The following SLC13A2 variants were observed in gnomAD, a reference collection of about 807,000 sequenced individuals.
The protein encoded by SLC13A2 is Na(+)-coupled citrate transporter.
In SLC13A2, 40 loss-of-function variants were observed where a neutral mutation model predicts 58.5. The observed-to-expected ratio is 0.68, with a 90% CI of 0.53 to 0.89. The LOEUF (loss-of-function observed/expected upper bound fraction) is 0.89, where lower values mean the gene tolerates loss of function less well. SLC13A2 is among the 40% of genes least tolerant of loss of function. The probability of loss-of-function intolerance (pLI) is 0.00; values close to 1 mark genes in which losing one functional copy is unlikely to be tolerated. For missense variants in SLC13A2, 694 were observed against 772.6 expected, an observed-to-expected ratio of 0.90 and a Z score of 1.21; for synonymous variants, 341 against 331.6, an observed-to-expected ratio of 1.03 and a Z score of -0.31.
chr17:28,477,186 G>GTTTTTTT (rs1251199584), intron 1 of SLC13A2, among the ~76,000 whole-genome samples: 5 of 119,438 alleles, frequency 4.2e-5, no homozygotes, highest in Non-Finnish European at 6.9e-5. Flanking sequence ...AAACACCCAA[G>GTTTTTTT]TTTTTTGTTT....
Position 28,491,811 on chromosome 17 carries a change from G to C in SLC13A2, c.837G>C (p.Leu279=). 1 of 1,614,238 alleles carries C rather than the reference G, an allele frequency of 6.2e-7. No homozygotes were observed. Among genetic ancestry groups the C allele is most frequent in the South Asian group, 1.1e-5 (1 of 91,088 alleles). The change falls in exon 6 of 12, where the codon CTG becomes CTC. Residue 279 remains leucine (L), a synonymous_variant. Coordinates refer to ENST00000314669, the MANE Select transcript of SLC13A2 (RefSeq NM_003984.4). Reference sequence around the variant, plus strand: ...TCCCCACCATGGTCATCTTGCTGCTGCTGGCCTGGTTGTGGCTGCAGATCC... The same window carrying C: ...TCCCCACCATGGTCATCTTGCTGCTCCTGGCCTGGTTGTGGCTGCAGATCC... ...FAFPTMVILL[L]LAWLWLQILF...
rs79953541 is a variant in SLC13A2, at chr17:28,475,046, G to A, written c.102+1232G>A. ...GAGATGACCTTCATCTCAGGCCAAA[G>A]CCGGTGGCATCTCAGTGCTAGGGAC... On this transcript the variant is annotated intron_variant, in intron 1 of 11. Coordinates refer to ENST00000314669, the MANE Select transcript of SLC13A2 (RefSeq NM_003984.4). Among the ~76,000 whole-genome samples, 438 of 152,326 alleles carry A rather than the reference G, an allele frequency of 2.9e-3. 1 individual carries two copies. Among genetic ancestry groups the A allele is most frequent in the African/African-American group, 9.8e-3 (409 of 41,562 alleles).
In SLC13A2 at chr17:28,496,695, G is replaced by T. The variant is rs1035468617; in HGVS notation, c.1608+108G>T. On this transcript the variant is annotated intron_variant, in intron 11 of 11. Coordinates refer to ENST00000314669, the MANE Select transcript of SLC13A2 (RefSeq NM_003984.4). This position sits in a 1 kb window ranked among gnomAD's most constrained non-coding sequence, Gnocchi z 4.2. ...GCCACTGAGAGTCTCAGAGTTGAGC[G>T]GGTCCTCATCTGGAATGAAGGTGCA... The T allele has an allele frequency of 2.0e-5, 29 of 1,451,778 alleles. 1 individual carries two copies. In the South Asian group the frequency reaches 3.9e-4, roughly 19 times the overall value. The allele number at this position is 1,451,778 out of a possible 1,614,324, so 89.9% of individuals were successfully genotyped here.
chr17:28,494,281 C>T lies in SLC13A2; in HGVS notation c.1187-110C>T. 2 of 1,584,264 alleles carry T rather than the reference C, an allele frequency of 1.3e-6. No homozygotes were observed. Among genetic ancestry groups the T allele is most frequent in the African/African-American group, 1.3e-5 (1 of 74,388 alleles). On this transcript the variant is annotated intron_variant, in intron 8 of 11. Transcript: ENST00000314669. The surrounding 1 kb of genome is among the most constrained non-coding windows in gnomAD (Gnocchi z 4.0). ...GAGATGTTGCAGAACTGAGGGTCCC[C>T]TCCTGCACGCGTTAAGCTCCAAAAG...
intron 6 of SLC13A2, 88 bp from the exon 7 acceptor site, chr17:28,493,483 C>T: frequency 8.9e-7 from 1 of 1,118,374 alleles, no homozygotes; most frequent in Non-Finnish European, 1.2e-6. Flanking sequence ...CCTCTGTGGG[C>T]CTCAGCCTTT....
intron 1 of SLC13A2, among the ~76,000 whole-genome samples, chr17:28,477,085 A>G (rs1279884115): frequency 2.0e-5 from 3 of 151,558 alleles, no homozygotes; most frequent in Non-Finnish European, 4.4e-5. Context: ...GCTTGAACCC[A>G]GGAGGAGGAG....
chr17:28,491,294 G>C, intron 4 of SLC13A2, 143 bp from the exon 5 acceptor site: 1 of 867,846 alleles, frequency 1.2e-6, no homozygotes, highest in Non-Finnish European at 1.8e-6. Flanking sequence ...GGCCCCTCAG[G>C]CCTGGAGACA....
chr17:28,493,552 C>G lies in SLC13A2; in HGVS notation c.879-19C>G, dbSNP rs782156600. 5.0e-6 allele frequency: 8 copies of G among 1,585,062 alleles called. No homozygotes were observed. The highest frequency in any genetic ancestry group is 6.9e-6 in the Non-Finnish European group (8 of 1,162,754). Reference sequence around the variant, plus strand: ...CTGGAGCAGGCCCCCCACGAGCTGCCCCGTCCCTCTGCCTGCAGCTTCCGG... The same window carrying G: ...CTGGAGCAGGCCCCCCACGAGCTGCGCCGTCCCTCTGCCTGCAGCTTCCGG... On this transcript the variant is annotated intron_variant, in intron 6 of 11. Coordinates refer to ENST00000314669, the MANE Select transcript of SLC13A2 (RefSeq NM_003984.4).
chr17:28,476,909 C>A (rs377399191), intron 1 of SLC13A2, among the ~76,000 whole-genome samples: 3 of 152,016 alleles, frequency 2.0e-5, no homozygotes, highest in East Asian at 1.9e-4. Flanking sequence ...ATAATTCTAG[C>A]ACTTTGGGAG....
chr17:28,490,298 A>T (rs1216087431), intron 2 of SLC13A2, 156 bp from the exon 3 acceptor site: 17 of 1,578,310 alleles, frequency 1.1e-5, no homozygotes, highest in Admixed American at 3.7e-5. Flanking sequence ...TATTTTTTTT[A>T]AATGGCAGAT....
chr17:28,483,540 G>T (rs2068824470), intron 1 of SLC13A2, among the ~76,000 whole-genome samples: 1 of 152,202 alleles, frequency 6.6e-6, no homozygotes, highest in Admixed American at 6.5e-5. Context: ...AGGAGGCTGA[G>T]GCAGGAGGAT....
Position 28,494,387 on chromosome 17 carries a change from G to A in SLC13A2, c.1187-4G>A. The stretch of plus-strand genomic sequence containing the variant: ...TGACCCATCCTTCTCTGCTTGGGAA[G>A]TAGAAAACCCAGGGAAGCTGAAGGC... On this transcript the variant is annotated splice_polypyrimidine_tract_variant and splice_region_variant and intron_variant, in intron 8 of 11. Transcript: ENST00000314669. This position sits in a 1 kb window ranked among gnomAD's most constrained non-coding sequence, Gnocchi z 4.0. The A allele has an allele frequency of 6.2e-7, 1 of 1,614,216 alleles. No individual in the cohort carries two copies.
Position 28,497,053 on chromosome 17 carries a change from G to A in SLC13A2, c.1609-46G>A, listed in dbSNP as rs200493565. 229 of 1,594,064 alleles carry A rather than the reference G, an allele frequency of 1.4e-4. 2 individuals are homozygous for A. In the East Asian group the frequency reaches 3.2e-3, roughly 22 times the overall value. ...CCAAACACCTGGGGACTTGGGGGCA[G>A]TCCAGCCCAGTCCCTGCTTAGCCAA... On this transcript the variant is annotated intron_variant, in intron 11 of 11. Transcript: ENST00000314669.
chr17:28,474,941 G>C (rs1340319885), intron 1 of SLC13A2, among the ~76,000 whole-genome samples: 4 of 152,218 alleles, frequency 2.6e-5, no homozygotes, highest in African/African-American at 9.7e-5. Context: ...GTATCCCAAA[G>C]GGGTGAGAGA....
chr17:28,487,001 T>C (rs145319107), intron 1 of SLC13A2, among the ~76,000 whole-genome samples: 38 of 152,318 alleles, frequency 2.5e-4, no homozygotes, highest in African/African-American at 9.1e-4. Flanking sequence ...TTTTGCCATG[T>C]TGCCCAGGCT....
chr17:28,483,906 A>C (rs1555601540), intron 1 of SLC13A2, among the ~76,000 whole-genome samples: 1 of 152,206 alleles, frequency 6.6e-6, no homozygotes, highest in Non-Finnish European at 1.5e-5. Flanking sequence ...TTCCCACTAC[A>C]GAAGAAGCAA....
chr17:28,487,005 CCA>C (rs1389694572), intron 1 of SLC13A2, among the ~76,000 whole-genome samples: 8 of 152,128 alleles, frequency 5.3e-5, no homozygotes. Context: ...GCCATGTTGC[CCA>C]GGCTGGTCTC....
chr17:28,487,412 G>C (rs2068901963), intron 1 of SLC13A2: 1 of 392,882 alleles, frequency 2.5e-6, no homozygotes, highest in Non-Finnish European at 3.5e-6. Flanking sequence ...TTTTTCAGCT[G>C]TGAAATGTGA....
chr17:28,492,178 G>A lies in SLC13A2; in HGVS notation c.878+326G>A, dbSNP rs180708462. The stretch of plus-strand genomic sequence containing the variant: ...TAGGTGCTTAAGGGGCACACACTGA[G>A]CATGGTTAGTTACAGAAGCACCTGC... On this transcript the variant is annotated intron_variant, in intron 6 of 11. Coordinates refer to ENST00000314669, the MANE Select transcript of SLC13A2 (RefSeq NM_003984.4). 1.8e-4 allele frequency among the ~76,000 whole-genome samples: 28 copies of A among 152,268 alleles called. No individual in the cohort carries two copies. The East Asian group carries it at 5.0e-3, about 27-fold the overall frequency.
Sources: allele counts gnomAD v4.1 joint callset (sites outside exome capture counted in the v4.1 genomes callset), GRCh38; gene constraint gnomAD v4.1.1; non-coding constraint Gnocchi (gnomAD v3.1); transcripts MANE v1.5; gene names NCBI Gene and HGNC (gene_info 2026-07-23, HGNC 2026-07-21).